The following LYPD6B variants were observed in gnomAD, a reference collection of about 807,000 sequenced individuals.
LYPD6B encodes ly6/PLAUR domain-containing protein 6B.
In LYPD6B, 17 loss-of-function variants were observed where a neutral mutation model predicts 22.8. The observed-to-expected ratio is 0.75, with a 90% CI of 0.51 to 1.12. LYPD6B has a LOEUF of 1.12. Ranked by LOEUF, LYPD6B falls within the 50% of genes most tolerant of loss-of-function variation. LYPD6B has a pLI of 0.00. For missense variants in LYPD6B, 221 were observed against 258.3 expected, an observed-to-expected ratio of 0.86 and a Z score of 0.99; for synonymous variants, 106 against 91.6, an observed-to-expected ratio of 1.16 and a Z score of -0.90.
Position 149,061,964 on chromosome 2 carries a change from C to T in LYPD6B, c.-67+23163C>T, listed in dbSNP as rs118096402. ...TTTCAGGGATAGGAAGGAGAAACAT[C>T]GTAGAATCTTTTTTTTTTTTTTGAG... On this transcript the variant is annotated intron_variant, in intron 1 of 6. Transcript: ENST00000409642. 1.1e-4 allele frequency among the ~76,000 whole-genome samples: 17 copies of T among 151,168 alleles called. 1 individual carries two copies. In the East Asian group the frequency reaches 2.7e-3, roughly 24 times the overall value.
intron 1 of LYPD6B, among the ~76,000 whole-genome samples, chr2:149,097,423 C>A (rs968329960): frequency 6.6e-6 from 1 of 152,184 alleles, no homozygotes; most frequent in Non-Finnish European, 1.5e-5. Context: ...TGCCAGGACA[C>A]CCAATTAAAC....
At chr2:149,144,239 A>G (rs1447901451) in intron 2 of LYPD6B, among the ~76,000 whole-genome samples, 3 of 152,194 alleles carry the variant, frequency 2.0e-5, no homozygotes, top group Non-Finnish European at 4.4e-5. Flanking sequence ...CAGTTTCTGT[A>G]TGGCCTACAA....
chr2:149,123,629 C>T (rs1262667611), intron 1 of LYPD6B, among the ~76,000 whole-genome samples: 3 of 152,000 alleles, frequency 2.0e-5, no homozygotes, highest in South Asian at 2.1e-4. Context: ...TTTGGGAGGC[C>T]GAGGCAGGCA....
intron 1 of LYPD6B, among the ~76,000 whole-genome samples, chr2:149,114,171 T>C (rs1686891878): frequency 6.6e-6 from 1 of 152,186 alleles, no homozygotes; most frequent in Non-Finnish European, 1.5e-5. Flanking sequence ...GTATGGAATT[T>C]AAGAATTGAA....
chr2:149,075,020 C>G (rs1212965140), intron 1 of LYPD6B, among the ~76,000 whole-genome samples: 1 of 152,098 alleles, frequency 6.6e-6, no homozygotes, highest in African/African-American at 2.4e-5. Flanking sequence ...TTAAAGAAAA[C>G]AAAATGCCTT....
intron 3 of LYPD6B, among the ~76,000 whole-genome samples, chr2:149,181,286 C>T (rs560748914): frequency 1.3e-5 from 2 of 152,178 alleles, no homozygotes; most frequent in East Asian, 3.9e-4. Context: ...CTGGAGACGG[C>T]GTATCTTATA....
chr2:149,200,189 A>G (rs1693063349), intron 3 of LYPD6B, among the ~76,000 whole-genome samples: 1 of 152,220 alleles, frequency 6.6e-6, no homozygotes, highest in Non-Finnish European at 1.5e-5. Flanking sequence ...GTTGATAGGC[A>G]TGTTGGACTT....
At chr2:149,177,215 G>A (rs1691381480) in intron 3 of LYPD6B, among the ~76,000 whole-genome samples, 1 of 152,196 alleles carries the variant, frequency 6.6e-6, no homozygotes, top group Non-Finnish European at 1.5e-5. Flanking sequence ...GCGTTGCATG[G>A]AGAGAGCCTG....
chr2:149,099,774 C>T (rs1686103571), intron 1 of LYPD6B, among the ~76,000 whole-genome samples: 1 of 152,184 alleles, frequency 6.6e-6, no homozygotes, highest in Non-Finnish European at 1.5e-5. Flanking sequence ...TGTCCCAGAA[C>T]TGAAAATAGA....
intron 3 of LYPD6B, among the ~76,000 whole-genome samples, chr2:149,202,778 T>C (rs1228988785): frequency 6.6e-6 from 1 of 152,208 alleles, no homozygotes; most frequent in Admixed American, 6.6e-5. Context: ...AAAACCAAAC[T>C]TCTTACTTGT....
At chr2:149,206,020 C>G (rs921731897) in intron 4 of LYPD6B, 3 of 468,834 alleles carry the variant, frequency 6.4e-6, no homozygotes, top group Admixed American at 4.7e-5. Context: ...TCTTTTCAGA[C>G]AAGTAAAACG....
chr2:149,201,909 T>C (rs1028605558), intron 3 of LYPD6B, among the ~76,000 whole-genome samples: 21 of 152,212 alleles, frequency 1.4e-4, no homozygotes, highest in African/African-American at 5.1e-4. Flanking sequence ...CTGAGCAGTG[T>C]GCTGGGATCA....
At chr2:149,152,154 A>G (rs1483265768) in intron 2 of LYPD6B, among the ~76,000 whole-genome samples, 5 of 152,196 alleles carry the variant, frequency 3.3e-5, no homozygotes, top group Admixed American at 3.3e-4. Context: ...TTAGAATATT[A>G]TGGTATAGGT....
At chr2:149,052,006 A>G (rs1469451354) in intron 1 of LYPD6B, among the ~76,000 whole-genome samples, 2 of 152,078 alleles carry the variant, frequency 1.3e-5, no homozygotes, top group African/African-American at 4.8e-5. Flanking sequence ...AATTTATTTT[A>G]TCACCTGGGA....
intron 3 of LYPD6B, among the ~76,000 whole-genome samples, chr2:149,165,335 A>T (rs572253907): frequency 6.6e-6 from 1 of 152,336 alleles, no homozygotes; most frequent in Non-Finnish European, 1.5e-5. Flanking sequence ...TCTAACTTGG[A>T]GTAGCTGCAA....
At chr2:149,158,337 TA>T (rs1416367656) in intron 2 of LYPD6B, among the ~76,000 whole-genome samples, 3 of 152,158 alleles carry the variant, frequency 2.0e-5, no homozygotes, top group Admixed American at 6.6e-5. Flanking sequence ...TATTCAGCCA[TA>T]AAAAGGAATG....
At chr2:149,077,704 C>G (rs1415445140) in intron 1 of LYPD6B, 1 of 152,224 alleles carries the variant, frequency 6.6e-6, no homozygotes, top group African/African-American at 2.4e-5. Flanking sequence ...TTTAAGCTCA[C>G]TTTTGCCACA....
chr2:149,196,612 A>G (rs891211574), intron 3 of LYPD6B, among the ~76,000 whole-genome samples: 1 of 152,160 alleles, frequency 6.6e-6, no homozygotes, highest in African/African-American at 2.4e-5. Flanking sequence ...GGCAGTTGAG[A>G]TTATAGGGAA....
chr2:149,143,971 C>CA (rs1688855422), intron 2 of LYPD6B: 1 of 152,210 alleles, frequency 6.6e-6, no homozygotes, highest in Non-Finnish European at 1.5e-5. Flanking sequence ...GTGTGGTCAG[C>CA]AAGTCCTGAG....
Sources: gnomAD v4.1 joint callset for allele counts (sites outside exome capture counted in the v4.1 genomes callset) on GRCh38, gnomAD v4.1.1 for gene constraint, MANE v1.5 for transcripts, NCBI Gene and HGNC (gene_info 2026-07-23, HGNC 2026-07-21) for gene names.